The following PTPRC variants were observed in gnomAD, a reference collection of about 807,000 sequenced individuals.
PTPRC encodes the protein receptor-type tyrosine-protein phosphatase C.
PTPRC carries 44 observed loss-of-function variants against 155.9 expected under a neutral mutation model. The observed-to-expected ratio is 0.28, with a 90% CI of 0.22 to 0.36. The LOEUF is 0.36. Ranked by LOEUF, PTPRC falls within the 10% of genes least tolerant of loss-of-function variation. The pLI is 1.00. For synonymous variants in PTPRC, 525 were observed against 533.1 expected (o/e 0.98, Z 0.21); for missense variants, 1,401 against 1,564.6 (o/e 0.90, Z 1.76).
chr1:198,696,176 A>ATG (rs1214473138), intron 3 of PTPRC, among the ~76,000 whole-genome samples: 1 of 147,528 alleles, frequency 6.8e-6, no homozygotes, highest in Non-Finnish European at 1.5e-5. Context: ...AAATATATAT[A>ATG]TATATATATA....
rs1020551088 is a variant in PTPRC at position 198,653,163 on chromosome 1, A to T, written c.73+13822A>T. Reference sequence around the variant, plus strand: ...GTCACTTTTCAAGAACAAATGTGTTATGCTCAAAGCATCCAAAGGACTTTT... The same window carrying T: ...GTCACTTTTCAAGAACAAATGTGTTTTGCTCAAAGCATCCAAAGGACTTTT... On this transcript the variant is annotated intron_variant, in intron 2 of 32. Transcript: ENST00000442510. 1.0e-3 allele frequency among the ~76,000 whole-genome samples: 154 copies of T among 151,930 alleles called. 1 individual carries two copies. The highest frequency in any genetic ancestry group is 3.6e-3 in the African/African-American group (151 of 41,516).
intron 13 of PTPRC, among the ~76,000 whole-genome samples, chr1:198,717,823 C>G (rs147907947): frequency 2.6e-5 from 4 of 152,096 alleles, no homozygotes; most frequent in African/African-American, 9.7e-5. Context: ...CCCTTTTTCT[C>G]TATTCTCTAA....
chr1:198,715,020 G>A (rs1653504976), intron 12 of PTPRC, among the ~76,000 whole-genome samples: 1 of 152,088 alleles, frequency 6.6e-6, no homozygotes, highest in Non-Finnish European at 1.5e-5. Flanking sequence ...GTGGAGATGT[G>A]CATACATATC....
At chr1:198,677,713 C>T (rs1431544008) in intron 2 of PTPRC, among the ~76,000 whole-genome samples, 4 of 152,232 alleles carry the variant, frequency 2.6e-5, no homozygotes, top group East Asian at 1.9e-4. Context: ...TTCTCAGCTA[C>T]TCACAAGCTG....
intron 2 of PTPRC, among the ~76,000 whole-genome samples, chr1:198,672,164 G>C (rs1482322146): frequency 1.3e-5 from 2 of 152,104 alleles, no homozygotes; most frequent in East Asian, 3.9e-4. Flanking sequence ...AAATGTGAAG[G>C]AGTTTTAGGG....
intron 20 of PTPRC, 135 bp downstream of exon 20, chr1:198,732,691 T>A (rs1654451405): frequency 1.5e-6 from 1 of 678,812 alleles, no homozygotes; most frequent in African/African-American, 1.8e-5. Flanking sequence ...CAAAAAATTA[T>A]CAATATTAGC....
intron 2 of PTPRC, among the ~76,000 whole-genome samples, chr1:198,668,303 C>T (rs187120663): frequency 5.9e-5 from 9 of 152,232 alleles, no homozygotes; most frequent in Middle Eastern, 3.4e-3. Context: ...GCCTCAGCCT[C>T]CTGAGTATAG....
chr1:198,753,551 A>T (rs948623715), intron 31 of PTPRC, among the ~76,000 whole-genome samples: 2 of 152,062 alleles, frequency 1.3e-5, no homozygotes. Flanking sequence ...ACTAGAATCA[A>T]GCCTTAAGAA....
At chr1:198,701,310 G>A (rs1248363220) in intron 5 of PTPRC, among the ~76,000 whole-genome samples, 1 of 152,142 alleles carries the variant, frequency 6.6e-6, no homozygotes, top group Non-Finnish European at 1.5e-5. Context: ...GTAGACACCT[G>A]CAAGCTCAAA....
At chr1:198,642,293 T>C (rs948946412) in intron 2 of PTPRC, among the ~76,000 whole-genome samples, 3 of 152,032 alleles carry the variant, frequency 2.0e-5, no homozygotes, top group Non-Finnish European at 4.4e-5. Flanking sequence ...CTTGAACATA[T>C]ATTTCTTTAT....
At chr1:198,725,843 T>C (rs1449637020) in intron 15 of PTPRC, among the ~76,000 whole-genome samples, 1 of 152,238 alleles carries the variant, frequency 6.6e-6, no homozygotes, top group Non-Finnish European at 1.5e-5. Flanking sequence ...AAATGGAATC[T>C]ATTCCTTTGA....
In PTPRC at chr1:198,754,272, T is replaced by G. The variant is rs762337291; in HGVS notation, c.3513T>G (p.Asp1171Glu). 6.2e-7 allele frequency: 1 copy of G among 1,609,092 alleles called. No individual in the cohort carries two copies. The highest frequency in any genetic ancestry group is 2.2e-5 in the East Asian group (1 of 44,736). Residue 1171 changes from aspartate to glutamate, a missense_variant, in exon 32 of 33, where the codon GAT becomes GAG. Physicochemically the swap from Asp to Glu is conservative, Grantham distance 45 (BLOSUM62 2). Transcript: ENST00000442510. Reference protein sequence around the residue: ...KSTPLLIHCRDGSQQTGIFCA... With the variant: ...KSTPLLIHCREGSQQTGIFCA... ...CTATCTTTTCTTTCTTTTATAGGGA[T>G]GGATCTCAGCAAACGGGAATATTTT...
chr1:198,755,628 G>GA (rs1655608758), intron 32 of PTPRC, among the ~76,000 whole-genome samples: 2 of 152,156 alleles, frequency 1.3e-5, no homozygotes, highest in East Asian at 1.9e-4. Flanking sequence ...TACAAAACGT[G>GA]GCATCATGAG....
At position 198,674,502 on chromosome 1, in the gene PTPRC, TATA is replaced by T. The variant is rs542685463; in HGVS notation, c.74-17838_74-17836del. Among the ~76,000 whole-genome samples, 400 of 148,500 alleles carry T rather than the reference TATA, an allele frequency of 2.7e-3. 1 individual carries two copies. Among genetic ancestry groups the T allele is most frequent in the African/African-American group, 9.0e-3 (366 of 40,892 alleles). ...GCATTATGACTGTACAATAATAACATATAATAATATATATAGCATATATATTTT... is the reference window on the plus strand; with the variant it reads ...GCATTATGACTGTACAATAATAACATATAATATATATAGCATATATATTTT... On this transcript the variant is annotated intron_variant, in intron 2 of 32. Transcript: ENST00000442510.
intron 4 of PTPRC, among the ~76,000 whole-genome samples, chr1:198,698,904 A>T (rs1185582409): frequency 2.0e-5 from 3 of 152,194 alleles, no homozygotes; most frequent in Non-Finnish European, 4.4e-5. Flanking sequence ...ATTGTTGTAT[A>T]TCCTCCAGGC....
chr1:198,652,748 G>T (rs745933686), intron 2 of PTPRC, among the ~76,000 whole-genome samples: 7 of 151,754 alleles, frequency 4.6e-5, no homozygotes, highest in Non-Finnish European at 8.8e-5. Flanking sequence ...GGAATAAGAG[G>T]TTCTCACCCA....
At chr1:198,679,711 C>A in intron 2 of PTPRC, 1 of 374,362 alleles carries the variant, frequency 2.7e-6, no homozygotes, top group Non-Finnish European at 5.0e-6. Context: ...TCTGTGCCCT[C>A]CGGAGGCCCG....
At chr1:198,735,018 T>C in intron 22 of PTPRC, 109 bp from the exon 23 acceptor site, 1 of 987,196 alleles carries the variant, frequency 1.0e-6, no homozygotes, top group East Asian at 2.7e-5. Context: ...TACAACTGTT[T>C]TGAGAATTTC....
intron 2 of PTPRC, among the ~76,000 whole-genome samples, chr1:198,664,418 G>A (rs1279604723): frequency 6.6e-6 from 1 of 152,136 alleles, no homozygotes; most frequent in Non-Finnish European, 1.5e-5. Flanking sequence ...CTGAGAGCAC[G>A]TCTCAGAGGA....
Sources: allele counts gnomAD v4.1 joint callset (sites outside exome capture counted in the v4.1 genomes callset), GRCh38; gene constraint gnomAD v4.1.1; transcripts MANE v1.5; gene names NCBI Gene and HGNC (gene_info 2026-07-23, HGNC 2026-07-21).